Variants in STRBP observed in about 807,000 individuals in gnomAD.
The protein encoded by STRBP is spermatid perinuclear RNA-binding protein.
STRBP carries 13 observed loss-of-function variants against 80.1 expected under a neutral mutation model. The ratio of observed to expected loss-of-function variants is 0.16; its 90% CI spans 0.11 to 0.26. The LOEUF is 0.26. STRBP is among the 10% of genes least tolerant of loss of function. The probability of loss-of-function intolerance (pLI) is 1.00; values close to 1 mark genes in which losing one functional copy is unlikely to be tolerated. For missense variants in STRBP, 485 were observed against 815.2 expected (o/e 0.59, Z 4.93); for synonymous variants, 284 against 291.2 (o/e 0.98, Z 0.25).
intron 13 of STRBP, among the ~76,000 whole-genome samples, chr9:123,139,957 T>C (rs972640849): frequency 6.6e-6 from 1 of 152,152 alleles, no homozygotes; most frequent in Non-Finnish European, 1.5e-5. Flanking sequence ...CCTAGTTCAT[T>C]TAATTTGGAG....
At chr9:123,229,836 CA>C (rs2040349451) in intron 2 of STRBP, among the ~76,000 whole-genome samples, 1 of 152,052 alleles carries the variant, frequency 6.6e-6, no homozygotes, top group South Asian at 2.1e-4. Flanking sequence ...GTGAATGGGC[CA>C]GGTACATATG....
Position 123,122,520 on chromosome 9 carries a change from G to A in STRBP, c.*3077C>T, listed in dbSNP as rs1197812414. The A allele has an allele frequency of 1.7e-6, 2 of 1,175,932 alleles. No individual in the cohort carries two copies. The highest frequency in any genetic ancestry group is 6.0e-5 in the East Asian group (1 of 16,742). 72.8% of individuals were successfully genotyped at this position (1,175,932 alleles called of 1,614,324 possible). ...TTCCCCAGGCTAACAATTTGAGAGAGACTACAAACGACTTCAGAACTATAT... is the reference window on the plus strand; with the variant it reads ...TTCCCCAGGCTAACAATTTGAGAGAAACTACAAACGACTTCAGAACTATAT... On this transcript the variant is annotated 3_prime_UTR_variant, in exon 19 of 19. Coordinates refer to ENST00000348403, the MANE Select transcript of STRBP (RefSeq NM_018387.5).
chr9:123,138,724 T>TA (rs1227275195), intron 14 of STRBP, among the ~76,000 whole-genome samples: 3 of 152,240 alleles, frequency 2.0e-5, no homozygotes, highest in Admixed American at 1.3e-4. Flanking sequence ...TTTGCCCTTT[T>TA]AGCCTGGGAG....
chr9:123,229,715 T>A (rs1450934205), intron 2 of STRBP, among the ~76,000 whole-genome samples: 11 of 152,158 alleles, frequency 7.2e-5, no homozygotes, highest in Non-Finnish European at 2.9e-5. Context: ...ATGCTTCAAT[T>A]TCCTTAGTGA....
chr9:123,191,622 T>C (rs2038929822), intron 2 of STRBP, among the ~76,000 whole-genome samples: 1 of 152,154 alleles, frequency 6.6e-6, no homozygotes, highest in Admixed American at 6.5e-5. Context: ...TAAAACTTAA[T>C]TACGGACACT....
At chr9:123,232,345 T>C (rs2040422565) in intron 2 of STRBP, among the ~76,000 whole-genome samples, 1 of 152,050 alleles carries the variant, frequency 6.6e-6, no homozygotes, top group Non-Finnish European at 1.5e-5. Flanking sequence ...TAGCCGACAA[T>C]TTCTCCAGGA....
At position 123,116,027 on chromosome 9, in the gene STRBP, T is replaced by C. The variant is rs190157614; in HGVS notation, c.241A>G (p.Thr81Ala). ...TCAAGGTGCTTTCAGCTTTCCTGAG[T>C]TCCCCAGGTGCCAATTTCCATAGGT... Residue 81 changes from threonine (T) to alanine (A), a missense_variant and NMD_transcript_variant, in exon 3 of 4, where the codon ACT becomes GCT. By Grantham distance (58) the Thr-to-Ala change is moderately conservative. Transcript: ENST00000471564. The C allele has an allele frequency of 1.1e-5, 5 of 456,288 alleles. No homozygotes were observed. In the East Asian group the frequency reaches 3.5e-4, roughly 32 times the overall value. The allele number at this position is 456,288 out of a possible 1,614,324, so 28.3% of individuals were successfully genotyped here.
chr9:123,129,088 G>GA (rs2036020991), intron 17 of STRBP, among the ~76,000 whole-genome samples: 1 of 152,164 alleles, frequency 6.6e-6, no homozygotes, highest in African/African-American at 2.4e-5. Flanking sequence ...CAGGTGTGGT[G>GA]GCTCATGCCT....
intron 16 of STRBP, chr9:123,135,835 A>G (rs1383489732): frequency 1.2e-5 from 6 of 500,516 alleles, no homozygotes; most frequent in Non-Finnish European, 2.1e-5. Context: ...ATACATGTAC[A>G]TATATATTTT....
At chr9:123,185,202 A>G (rs1310788515) in intron 2 of STRBP, among the ~76,000 whole-genome samples, 4 of 152,204 alleles carry the variant, frequency 2.6e-5, no homozygotes, top group Non-Finnish European at 5.9e-5. Flanking sequence ...CACAAAGAAA[A>G]TAACTTTCTC....
chr9:123,139,445 TTTTA>T (rs2036497185), intron 14 of STRBP, 80 bp downstream of exon 14: 1 of 1,161,862 alleles, frequency 8.6e-7, no homozygotes, highest in African/African-American at 1.6e-5. Context: ...ATGCTTTTGA[TTTTA>T]TTTATACTTT....
intron 14 of STRBP, among the ~76,000 whole-genome samples, chr9:123,138,069 C>T (rs931902572): frequency 3.9e-5 from 6 of 152,070 alleles, no homozygotes; most frequent in South Asian, 2.1e-4. Context: ...TTATTTTAAA[C>T]GAAGAAATAA....
rs181572152 is a variant in STRBP, at chr9:123,145,211, A to G, written c.1338+1644T>C. Among the ~76,000 whole-genome samples the G allele has an allele frequency of 5.3e-5, 8 of 152,338 alleles. No individual in the cohort carries two copies. In the East Asian group the frequency reaches 1.5e-3, roughly 29 times the overall value. ...GATATCTACATTTCCGAAATTTGTC[A>G]GGGAGCTTAACTTAATCCCAAGCTT... On this transcript the variant is annotated intron_variant, in intron 13 of 18. Transcript: ENST00000348403.
At chr9:123,150,069 A>G (rs1401736526) in intron 11 of STRBP, among the ~76,000 whole-genome samples, 2 of 152,212 alleles carry the variant, frequency 1.3e-5, no homozygotes, top group African/African-American at 4.8e-5. Flanking sequence ...TGAGAAAGTA[A>G]AACAGTGAAC....
chr9:123,245,167 C>CA (rs35084566), intron 1 of STRBP, among the ~76,000 whole-genome samples: 13 of 151,556 alleles, frequency 8.6e-5, no homozygotes, highest in East Asian at 3.9e-4. Flanking sequence ...ACAACTACCT[C>CA]AAAAAAAAAG....
intron 2 of STRBP, among the ~76,000 whole-genome samples, chr9:123,211,061 AC>A (rs2039691530): frequency 6.6e-6 from 1 of 152,342 alleles, no homozygotes; most frequent in South Asian, 2.1e-4. Context: ...AGAAACTCAC[AC>A]ATGTACAAAC....
intron 1 of STRBP, among the ~76,000 whole-genome samples, chr9:123,264,934 C>A (rs924179631): frequency 6.6e-6 from 1 of 152,174 alleles, no homozygotes; most frequent in African/African-American, 2.4e-5. Context: ...TTGGAGAGAA[C>A]TTTCAAAGCT....
At chr9:123,199,923 A>T (rs547977570) in intron 2 of STRBP, among the ~76,000 whole-genome samples, 8 of 152,100 alleles carry the variant, frequency 5.3e-5, no homozygotes, top group Non-Finnish European at 1.2e-4. Context: ...GAGTGGTGAA[A>T]GTGGGCATCC....
chr9:123,260,314 T>C (rs546400879), intron 1 of STRBP, among the ~76,000 whole-genome samples: 1 of 152,290 alleles, frequency 6.6e-6, no homozygotes, highest in East Asian at 1.9e-4. Context: ...TTACTCTTTG[T>C]GATACTAAAG....
Sources: gnomAD v4.1 joint callset for allele counts (sites outside exome capture counted in the v4.1 genomes callset) on GRCh38, gnomAD v4.1.1 for gene constraint, MANE v1.5 for transcripts, NCBI Gene and HGNC (gene_info 2026-07-23, HGNC 2026-07-21) for gene names.